MRAS: variants seen among roughly 807,000 people sequenced by gnomAD.
MRAS encodes the protein muscle RAS oncogene homolog.
In MRAS, 4 loss-of-function variants were observed where a neutral mutation model predicts 20.9. The ratio of observed to expected loss-of-function variants is 0.19; its 90% CI spans 0.09 to 0.44. MRAS has a LOEUF of 0.44. MRAS is among the 20% of genes least tolerant of loss of function. The pLI, the probability that MRAS is intolerant of heterozygous loss-of-function variation, is 0.99. For synonymous variants in MRAS, 98 were observed against 102.9 expected, an observed-to-expected ratio of 0.95 and a Z score of 0.29; for missense variants, 154 against 277.5, an observed-to-expected ratio of 0.56 and a Z score of 3.16.
At chr3:138,368,223 T>C (rs1266271846) in intron 1 of MRAS, among the ~76,000 whole-genome samples, 4 of 152,146 alleles carry the variant, frequency 2.6e-5, no homozygotes, top group African/African-American at 9.7e-5. Context: ...AGAGCAGAGA[T>C]GGTGGTGAGG....
chr3:138,380,552 C>T (rs147037203), intron 2 of MRAS, among the ~76,000 whole-genome samples: 26 of 152,220 alleles, frequency 1.7e-4, no homozygotes, highest in African/African-American at 5.8e-4. Context: ...CTCAGGTGAT[C>T]CACCCACCTC....
intron 1 of MRAS, among the ~76,000 whole-genome samples, chr3:138,357,392 T>A (rs1213738937): frequency 2.6e-5 from 4 of 152,202 alleles, no homozygotes; most frequent in Admixed American, 2.6e-4. Flanking sequence ...TCTGTGTGAA[T>A]CTCCACCTCT....
chr3:138,355,891 A>T (rs751070683), intron 1 of MRAS, among the ~76,000 whole-genome samples: 37 of 152,364 alleles, frequency 2.4e-4, no homozygotes, highest in Non-Finnish European at 4.6e-4. Flanking sequence ...AGATCGCGCC[A>T]CTGTGCTTCA....
intron 2 of MRAS, among the ~76,000 whole-genome samples, chr3:138,386,783 A>G (rs1392745843): frequency 6.6e-6 from 1 of 152,148 alleles, no homozygotes; most frequent in Non-Finnish European, 1.5e-5. Flanking sequence ...GCGTTCGGCC[A>G]TATACTACAT....
chr3:138,396,769 G>A (rs1464933751), intron 2 of MRAS, among the ~76,000 whole-genome samples: 1 of 152,130 alleles, frequency 6.6e-6, no homozygotes, highest in Non-Finnish European at 1.5e-5. Context: ...CTTGGTATCT[G>A]TCCCCTTGGG....
intron 1 of MRAS, among the ~76,000 whole-genome samples, chr3:138,366,895 G>C (rs529335182): frequency 6.6e-6 from 1 of 152,330 alleles, no homozygotes; most frequent in South Asian, 2.1e-4. Context: ...TGGACCCCTT[G>C]GCAACATCTG....
rs1276835624 is a variant in MRAS, at chr3:138,403,056, G to T, written c.*787G>T. 2.0e-5 allele frequency: 3 copies of T among 152,282 alleles called. No individual in the cohort carries two copies. The highest frequency in any genetic ancestry group is 4.4e-5 in the Non-Finnish European group (3 of 68,054). The allele number at this position is 152,282 out of a possible 1,614,324, so 9.4% of individuals were successfully genotyped here. A position where few individuals can be genotyped will look rare whatever the true frequency, so the allele number is the denominator to read the frequency against. On this transcript the variant is annotated 3_prime_UTR_variant, in exon 6 of 6. Transcript: ENST00000423968. Reference sequence around the variant, plus strand: ...AAAACAGATTGTATTTTGCTGAGGGGAGTGGCTGTCATGAGCATGTCAGTT... The same window carrying T: ...AAAACAGATTGTATTTTGCTGAGGGTAGTGGCTGTCATGAGCATGTCAGTT...
intron 1 of MRAS, among the ~76,000 whole-genome samples, chr3:138,365,309 C>T (rs1170749259): frequency 1.3e-5 from 2 of 152,246 alleles, no homozygotes; most frequent in African/African-American, 4.8e-5. Context: ...TACTCTGAGA[C>T]TCAGTGCTGG....
At chr3:138,390,047 G>C (rs977363328) in intron 2 of MRAS, among the ~76,000 whole-genome samples, 22 of 144,788 alleles carry the variant, frequency 1.5e-4, no homozygotes, top group Non-Finnish European at 2.6e-4. Flanking sequence ...AGGAGGAGAA[G>C]CAGAGAAAAG....
chr3:138,352,691 C>T (rs1193886147), intron 1 of MRAS, among the ~76,000 whole-genome samples: 1 of 151,992 alleles, frequency 6.6e-6, no homozygotes, highest in Non-Finnish European at 1.5e-5. Flanking sequence ...GCTACCTTGA[C>T]GGATAAAACA....
chr3:138,368,027 G>A (rs1442253257), intron 1 of MRAS, among the ~76,000 whole-genome samples: 1 of 152,240 alleles, frequency 6.6e-6, no homozygotes, highest in East Asian at 1.9e-4. Context: ...GCCTGGGCGG[G>A]GCCCTGGGAG....
At chr3:138,348,570 T>C (rs867078412), upstream of MRAS, 1 of 151,832 alleles carries the variant, frequency 6.6e-6, no homozygotes, top group South Asian at 2.1e-4. Flanking sequence ...CGCGGCGCGC[T>C]AGGCGCTCGG....
intron 2 of MRAS, among the ~76,000 whole-genome samples, chr3:138,379,700 T>C (rs1392273071): frequency 6.6e-6 from 1 of 152,214 alleles, no homozygotes; most frequent in Non-Finnish European, 1.5e-5. Flanking sequence ...TGTGTATATA[T>C]GCTACATTTT....
chr3:138,390,868 A>G (rs748311296), intron 2 of MRAS, among the ~76,000 whole-genome samples: 2 of 152,234 alleles, frequency 1.3e-5, no homozygotes, highest in Non-Finnish European at 2.9e-5. Flanking sequence ...TCTGGAGCCA[A>G]TTTTGATCAT....
At chr3:138,351,853 C>T (rs868757210) in intron 1 of MRAS, among the ~76,000 whole-genome samples, 13 of 152,234 alleles carry the variant, frequency 8.5e-5, no homozygotes, top group African/African-American at 2.2e-4. Context: ...GCCCAGGGAA[C>T]GTTGATGTAC....
At chr3:138,401,776 A>G (rs1161201423) in intron 5 of MRAS, among the ~76,000 whole-genome samples, 1 of 152,220 alleles carries the variant, frequency 6.6e-6, no homozygotes, top group Non-Finnish European at 1.5e-5. Flanking sequence ...GAAAACATGA[A>G]ATGGCTTTTA....
intron 2 of MRAS, among the ~76,000 whole-genome samples, chr3:138,381,561 G>T (rs533717418): frequency 3.2e-4 from 48 of 152,304 alleles, no homozygotes; most frequent in Non-Finnish European, 5.6e-4. Flanking sequence ...CCTCTGCCCA[G>T]CCAGCCTCTG....
chr3:138,360,552 C>T (rs2108502592), intron 1 of MRAS, among the ~76,000 whole-genome samples: 1 of 152,296 alleles, frequency 6.6e-6, no homozygotes, highest in Middle Eastern at 3.4e-3. Context: ...CAAGGAAGGA[C>T]CCCTCATCGC....
intron 1 of MRAS, among the ~76,000 whole-genome samples, chr3:138,361,853 G>A (rs531601744): frequency 3.2e-4 from 49 of 152,314 alleles, no homozygotes; most frequent in African/African-American, 1.0e-3. Flanking sequence ...TTCACTGCGG[G>A]TGAGACTGCC....
Sources: gnomAD v4.1 joint callset for allele counts (sites outside exome capture counted in the v4.1 genomes callset) on GRCh38, gnomAD v4.1.1 for gene constraint, MANE v1.5 for transcripts, NCBI Gene and HGNC (gene_info 2026-07-23, HGNC 2026-07-21) for gene names.